BMX: variants seen among roughly 807,000 people sequenced by gnomAD.
BMX encodes the protein BMX non-receptor tyrosine kinase.
In BMX, 31 loss-of-function variants were observed where a neutral mutation model predicts 59.2. The observed-to-expected ratio is 0.52, with a 90% CI of 0.39 to 0.71. BMX has a LOEUF of 0.71. Ranked by LOEUF, BMX falls within the 30% of genes least tolerant of loss-of-function variation. The pLI is 0.00. For missense variants in BMX, 474 were observed against 491.7 expected (o/e 0.96, Z 0.34); for synonymous variants, 185 against 181.0 (o/e 1.02, Z -0.18).
At chrX:15,505,786 T>C (rs1236812302) in intron 1 of BMX, among the ~76,000 whole-genome samples, 2 of 111,749 alleles carry the variant, frequency 1.8e-5, no homozygotes, top group Admixed American at 9.5e-5. Flanking sequence ...GTTCTTCCTT[T>C]CAATACACAG....
Position 15,526,110 on chromosome X carries a change from T to A in BMX, c.884+15T>A. Reference sequence around the variant, plus strand: ...GATGATTATGAGTGAGTATTGAAAGTCTTCTGGGTTCTTCTAAAATTAGAC... The same window carrying A: ...GATGATTATGAGTGAGTATTGAAAGACTTCTGGGTTCTTCTAAAATTAGAC... On this transcript the variant is annotated intron_variant, in intron 9 of 18. Transcript: ENST00000348343. The A allele has an allele frequency of 8.5e-7, 1 of 1,173,890 alleles. No homozygotes were observed. Among genetic ancestry groups the A allele is most frequent in the Non-Finnish European group, 1.2e-6 (1 of 866,112 alleles).
At chrX:15,522,850 A>T (rs985637236) in intron 7 of BMX, among the ~76,000 whole-genome samples, 1 of 111,881 alleles carries the variant, frequency 8.9e-6, no homozygotes, top group Non-Finnish European at 1.9e-5. Context: ...TCTCCCCCCA[A>T]ATATCTCCAC....
At chrX:15,537,444 A>AAT in intron 14 of BMX, 139 bp downstream of exon 14, 2 of 641,542 alleles carry the variant, frequency 3.1e-6, no homozygotes, top group Non-Finnish European at 4.6e-6. Context: ...AGAAGTTATA[A>AAT]ATTGAACTAA....
chrX:15,543,600 A>C (rs1247839997), intron 16 of BMX, among the ~76,000 whole-genome samples: 1 of 110,383 alleles, frequency 9.1e-6, no homozygotes, highest in African/African-American at 3.3e-5. Context: ...AATATTTATA[A>C]TTTTTTAACT....
At chrX:15,548,484 A>G (rs1349138339) in intron 17 of BMX, among the ~76,000 whole-genome samples, 1 of 111,920 alleles carries the variant, frequency 8.9e-6, no homozygotes, top group Non-Finnish European at 1.9e-5. Context: ...TTTGATAATC[A>G]TGCATCAATT....
intron 6 of BMX, among the ~76,000 whole-genome samples, chrX:15,520,925 A>T (rs887324142): frequency 9.0e-6 from 1 of 111,579 alleles, no homozygotes; most frequent in Non-Finnish European, 1.9e-5. Flanking sequence ...TAAAATTTCC[A>T]GAATGTCAAA....
chrX:15,551,297 G>A (rs752405828), intron 18 of BMX, among the ~76,000 whole-genome samples: 13 of 111,487 alleles, frequency 1.2e-4, no homozygotes, highest in African/African-American at 3.9e-4. Flanking sequence ...TGGTGTAATG[G>A]TTAAGCCTGT....
intron 10 of BMX, among the ~76,000 whole-genome samples, chrX:15,530,514 G>T (rs756604579): frequency 1.8e-5 from 2 of 111,912 alleles, no homozygotes; most frequent in Non-Finnish European, 3.8e-5. Flanking sequence ...AGCACTTTTC[G>T]AGTCTCTGCT....
At position 15,526,065 on chromosome X, in the gene BMX, C is replaced by A. The variant is rs751881194; in HGVS notation, c.854C>A (p.Ser285Tyr). The change falls in exon 9 of 19, where the codon TCT becomes TAT. Residue 285 changes from serine (S) to tyrosine (Y), a missense_variant. Ser to Tyr is a moderately radical substitution (Grantham distance 144, BLOSUM62 -2). Transcript: ENST00000348343. ...ISWEFPESSS[S>Y]EEEENLDDYD... The stretch of plus-strand genomic sequence containing the variant: ...AGGGAATTCCCTGAGTCAAGTTCAT[C>A]TGAAGAAGAGGAAAACCTGGATGAT... 8.3e-6 allele frequency: 10 copies of A among 1,208,867 alleles called. No homozygotes were observed. Among genetic ancestry groups the A allele is most frequent in the Non-Finnish European group, 1.1e-5 (10 of 893,878 alleles).
intron 1 of BMX, among the ~76,000 whole-genome samples, chrX:15,503,985 A>G (rs1365318939): frequency 1.8e-5 from 2 of 111,929 alleles, no homozygotes; most frequent in African/African-American, 6.5e-5. Flanking sequence ...GAGCTACCCC[A>G]TAGAGCAGTT....
chrX:15,504,676 C>G (rs895282610), intron 1 of BMX, among the ~76,000 whole-genome samples: 2 of 112,403 alleles, frequency 1.8e-5, no homozygotes, highest in African/African-American at 6.5e-5. Flanking sequence ...GTTAATTCAA[C>G]ACACACCTTT....
At chrX:15,516,328 A>T in intron 5 of BMX, 97 bp downstream of exon 5, 1 of 1,072,067 alleles carries the variant, frequency 9.3e-7, no homozygotes, top group Non-Finnish European at 1.3e-6. Flanking sequence ...AGAAAACAAG[A>T]TGTGCCAGAT....
intron 16 of BMX, among the ~76,000 whole-genome samples, chrX:15,544,711 A>G (rs1283751229): frequency 9.0e-6 from 1 of 111,419 alleles, no homozygotes; most frequent in Non-Finnish European, 1.9e-5. Context: ...TACTAGCTTG[A>G]AGGAAGGTTT....
chrX:15,506,117 T>C (rs1047430233), intron 1 of BMX, among the ~76,000 whole-genome samples: 3 of 110,330 alleles, frequency 2.7e-5, no homozygotes, highest in African/African-American at 9.9e-5. Flanking sequence ...GTCTCAAACT[T>C]CTGACCTCAA....
At chrX:15,525,479 C>CA (rs1924670650) in intron 8 of BMX, 114 bp downstream of exon 8, 1 of 746,423 alleles carries the variant, frequency 1.3e-6, no homozygotes, top group Non-Finnish European at 2.0e-6. Flanking sequence ...AAATATAAAC[C>CA]AAAAAAGTCT....
At chrX:15,519,104 G>A (rs1347842129) in intron 6 of BMX, among the ~76,000 whole-genome samples, 1 of 111,749 alleles carries the variant, frequency 8.9e-6, no homozygotes, top group Non-Finnish European at 1.9e-5. Flanking sequence ...ACAGCCTTCT[G>A]TTTTTAGGGT....
intron 4 of BMX, among the ~76,000 whole-genome samples, chrX:15,514,721 CT>C (rs983847394): frequency 2.7e-5 from 3 of 111,669 alleles, no homozygotes; most frequent in Non-Finnish European, 5.6e-5. Context: ...ATTCCCGTGG[CT>C]TTTTAAAATA....
At chrX:15,529,950 A>G in intron 9 of BMX, 23 bp from the exon 10 acceptor site, 2 of 1,189,834 alleles carry the variant, frequency 1.7e-6, no homozygotes, top group South Asian at 1.8e-5. Context: ...TGATTCTCAC[A>G]TATAATTTTT....
At chrX:15,527,263 TATATATATATATATATATATACACAC>T (rs1349566891) in intron 9 of BMX, among the ~76,000 whole-genome samples, 3 of 8,463 alleles carry the variant, frequency 3.5e-4, no homozygotes, top group African/African-American at 1.3e-3. Flanking sequence ...TATATATATA[TATATATATATATATATATATACACAC>T]ACACACACAC....
Sources: allele counts gnomAD v4.1 joint callset (sites outside exome capture counted in the v4.1 genomes callset), GRCh38; gene constraint gnomAD v4.1.1; transcripts MANE v1.5; gene names NCBI Gene and HGNC (gene_info 2026-07-23, HGNC 2026-07-21).